The following CAV1 variants were observed in gnomAD, a reference collection of about 807,000 sequenced individuals.
CAV1 encodes caveolin 1.
CAV1 carries 10 observed loss-of-function variants against 16.5 expected under a neutral mutation model. The observed-to-expected ratio is 0.61, with a 90% CI of 0.37 to 1.03. CAV1 has a LOEUF of 1.03. Ranked by LOEUF, CAV1 falls within the 50% of genes least tolerant of loss-of-function variation. The pLI, the probability that CAV1 is intolerant of heterozygous loss-of-function variation, is 0.01. For synonymous variants in CAV1, 76 were observed against 85.1 expected, an observed-to-expected ratio of 0.89 and a Z score of 0.59; for missense variants, 212 against 232.8, an observed-to-expected ratio of 0.91 and a Z score of 0.58.
chr7:116,538,379 C>T (rs1793868200), intron 2 of CAV1, among the ~76,000 whole-genome samples: 1 of 152,176 alleles, frequency 6.6e-6, no homozygotes, highest in South Asian at 2.1e-4. Flanking sequence ...TAAAATGTCT[C>T]AGCAATCATG....
At chr7:116,547,065 G>A (rs1220558160) in intron 2 of CAV1, among the ~76,000 whole-genome samples, 1 of 152,166 alleles carries the variant, frequency 6.6e-6, no homozygotes, top group Non-Finnish European at 1.5e-5. Context: ...TTCTGCCTGA[G>A]TGTTTTCATA....
intron 2 of CAV1, among the ~76,000 whole-genome samples, chr7:116,546,702 A>AAAAAAAAAAAAAAAAT (rs1554356427): frequency 0.063 from 8,989 of 142,394 alleles, 348 homozygotes; most frequent in Middle Eastern, 0.096. Flanking sequence ...TGTCACAAAA[A>AAAAAAAAAAAAAAAAT]AAAAAAAAAA....
At chr7:116,547,644 A>G (rs1794076866) in intron 2 of CAV1, among the ~76,000 whole-genome samples, 1 of 152,184 alleles carries the variant, frequency 6.6e-6, no homozygotes, top group African/African-American at 2.4e-5. Context: ...ATAAGCAGTC[A>G]CTGACATGGA....
chr7:116,533,192 T>C (rs1793718878), intron 2 of CAV1, among the ~76,000 whole-genome samples: 1 of 151,636 alleles, frequency 6.6e-6, no homozygotes, highest in Admixed American at 6.6e-5. Flanking sequence ...ATACAAAAAT[T>C]AGCTGGGTGT....
intron 2 of CAV1, among the ~76,000 whole-genome samples, chr7:116,538,462 G>A (rs117755615): frequency 1.9e-3 from 295 of 152,310 alleles, no homozygotes; most frequent in Non-Finnish European, 3.0e-3. Context: ...AATATGTCAA[G>A]GAAGTGGAAT....
chr7:116,526,426 C>A, intron 1 of CAV1, 99 bp from the exon 2 acceptor site: 1 of 1,588,734 alleles, frequency 6.3e-7, no homozygotes. Flanking sequence ...CCCCCGCCGC[C>A]AGGCTGACTT....
At position 116,526,605 on chromosome 7, in the gene CAV1, C is replaced by G. The variant is rs147746446; in HGVS notation, c.111C>G (p.Ser37Arg). ...PNNKAMADELSEKQVYDAHTK... is the reference protein window; with the variant it reads ...PNNKAMADELREKQVYDAHTK... ...ACAAGGCCATGGCAGACGAGCTGAGCGAGAAGCAAGTGTACGACGCGCACA... is the reference window on the plus strand; with the variant it reads ...ACAAGGCCATGGCAGACGAGCTGAGGGAGAAGCAAGTGTACGACGCGCACA... The change falls in exon 2 of 3, where the codon AGC becomes AGG. Residue 37 changes from serine to arginine, a missense_variant. By Grantham distance (110) the Ser-to-Arg change is moderately radical (BLOSUM62 -1). Transcript: ENST00000341049. The G allele has an allele frequency of 7.4e-6, 12 of 1,614,008 alleles. No individual in the cohort carries two copies. The highest frequency in any genetic ancestry group is 1.3e-5 in the African/African-American group (1 of 74,914).
intron 2 of CAV1, among the ~76,000 whole-genome samples, chr7:116,534,383 A>ATTTT (rs1562829961): frequency 1.0e-4 from 1 of 9,704 alleles, no homozygotes. Context: ...ATATATATAT[A>ATTTT]TATATATATA....
intron 2 of CAV1, among the ~76,000 whole-genome samples, chr7:116,544,615 A>C (rs1040319840): frequency 4.6e-5 from 7 of 152,230 alleles, no homozygotes; most frequent in Admixed American, 3.9e-4. Context: ...ACTTAGAGTG[A>C]GCCAAGTGCA....
chr7:116,551,765 GCA>G (rs1376601056), intron 2 of CAV1: 1 of 152,166 alleles, frequency 6.6e-6, no homozygotes, highest in Non-Finnish European at 1.5e-5. Context: ...CTCGGGGGCT[GCA>G]ATCCAGGTCT....
chr7:116,542,687 A>T (rs1793964470), intron 2 of CAV1: 1 of 152,232 alleles, frequency 6.6e-6, no homozygotes, highest in African/African-American at 2.4e-5. Flanking sequence ...TACATAGCAC[A>T]AATCTCATAT....
At chr7:116,548,452 A>G (rs1183142517) in intron 2 of CAV1, among the ~76,000 whole-genome samples, 1 of 152,210 alleles carries the variant, frequency 6.6e-6, no homozygotes, top group African/African-American at 2.4e-5. Context: ...TGAGAGCAGA[A>G]GGAAGCCAGC....
intron 2 of CAV1, among the ~76,000 whole-genome samples, chr7:116,531,381 A>G (rs1220156900): frequency 5.9e-5 from 9 of 152,198 alleles, no homozygotes; most frequent in Non-Finnish European, 1.5e-5. Flanking sequence ...TTAAATATGC[A>G]CAGACACAAA....
chr7:116,526,802 G>GCA, intron 2 of CAV1, 113 bp downstream of exon 2: 4 of 1,178,312 alleles, frequency 3.4e-6, no homozygotes, highest in African/African-American at 1.5e-5. Flanking sequence ...CCCCCTACAC[G>GCA]CGCACACACA....
At chr7:116,530,208 C>CTTTTTTTTTTTTTTTTTTTTTTTTTTT (rs3030806) in intron 2 of CAV1, among the ~76,000 whole-genome samples, 6 of 125,354 alleles carry the variant, frequency 4.8e-5, no homozygotes, top group South Asian at 2.5e-4. Flanking sequence ...GTCCTTTTTC[C>CTTTTTTTTTTTTTTTTTTTTTTTTTTT]TTTTTTTTTT....
chr7:116,539,481 A>G (rs553920264), intron 2 of CAV1, among the ~76,000 whole-genome samples: 2 of 152,212 alleles, frequency 1.3e-5, no homozygotes, highest in African/African-American at 4.8e-5. Context: ...CTGGGATTAC[A>G]TTATTGAGTG....
chr7:116,556,085 T>C (rs1464240727), intron 2 of CAV1, among the ~76,000 whole-genome samples: 1 of 152,246 alleles, frequency 6.6e-6, no homozygotes, highest in Non-Finnish European at 1.5e-5. Flanking sequence ...TCATGCTCAC[T>C]AGCAGTTTCT....
chr7:116,528,475 C>G (rs1793617660), intron 2 of CAV1, among the ~76,000 whole-genome samples: 1 of 152,162 alleles, frequency 6.6e-6, no homozygotes, highest in Non-Finnish European at 1.5e-5. Context: ...ACCCTGACTA[C>G]TTGCTCATAG....
intron 2 of CAV1, among the ~76,000 whole-genome samples, chr7:116,531,952 A>C (rs1391045016): frequency 1.3e-5 from 2 of 152,204 alleles, no homozygotes; most frequent in African/African-American, 4.8e-5. Flanking sequence ...GGCAGCTATT[A>C]TTCATTCTTA....
Sources: gnomAD v4.1 joint callset for allele counts (sites outside exome capture counted in the v4.1 genomes callset) on GRCh38, gnomAD v4.1.1 for gene constraint, MANE v1.5 for transcripts, NCBI Gene and HGNC (gene_info 2026-07-23, HGNC 2026-07-21) for gene names.